The following RBFOX1 variants were observed in gnomAD, a reference collection of about 807,000 sequenced individuals.
The protein encoded by RBFOX1 is RNA binding protein fox-1 homolog 1.
A neutral mutation model predicts 57.7 loss-of-function variants in RBFOX1; 8 were observed. The ratio of observed to expected loss-of-function variants is 0.14; its 90% CI spans 0.08 to 0.25. The LOEUF (loss-of-function observed/expected upper bound fraction) is 0.25, where lower values mean the gene tolerates loss of function less well. Ranked by LOEUF, RBFOX1 falls within the 10% of genes least tolerant of loss-of-function variation. The probability of loss-of-function intolerance (pLI) is 1.00; values close to 1 mark genes in which losing one functional copy is unlikely to be tolerated. For synonymous variants in RBFOX1, 326 were observed against 222.4 expected, an observed-to-expected ratio of 1.47 and a Z score of -4.15; for missense variants, 611 against 548.5, an observed-to-expected ratio of 1.11 and a Z score of -1.14.
intron 1 of RBFOX1, among the ~76,000 whole-genome samples, chr16:6,257,525 T>G (rs973434152): frequency 6.6e-6 from 1 of 152,140 alleles, no homozygotes; most frequent in Non-Finnish European, 1.5e-5. Flanking sequence ...GTTGCCCAGG[T>G]TTAAACTTAC....
intron 2 of RBFOX1, among the ~76,000 whole-genome samples, chr16:6,367,299 C>G (rs1015245885): frequency 6.6e-6 from 1 of 151,240 alleles, no homozygotes; most frequent in Non-Finnish European, 1.5e-5. Flanking sequence ...AAGGTGTAGT[C>G]TCACACCGTT....
chr16:5,845,075 T>G (rs2056720873), intron 3 of RBFOX1, among the ~76,000 whole-genome samples: 1 of 151,916 alleles, frequency 6.6e-6, no homozygotes, highest in Non-Finnish European at 1.5e-5. Context: ...TTTTTTTTTT[T>G]TTTTCTGTAA....
In RBFOX1 at chr16:5,818,333, T is replaced by C. The variant is rs1167430013; in HGVS notation, c.319-48970T>C. Among the ~76,000 whole-genome samples the C allele has an allele frequency of 2.0e-5, 3 of 152,308 alleles. No homozygotes were observed. The South Asian group carries it at 6.2e-4, about 32-fold the overall frequency. ...CTGAGTTTCATTGCACATCATGCCT[T>C]GCAAGGGCTTGTATATCATGGGGTT... On this transcript the variant is annotated intron_variant, in intron 3 of 19. Coordinates refer to the RBFOX1 transcript ENST00000641259.
At chr16:7,396,474 T>A (rs547364787) in intron 4 of RBFOX1, among the ~76,000 whole-genome samples, 2 of 152,296 alleles carry the variant, frequency 1.3e-5, no homozygotes, top group South Asian at 4.1e-4. Context: ...TTTCTGCGCT[T>A]CCCTACACGT....
intron 3 of RBFOX1, among the ~76,000 whole-genome samples, chr16:6,877,536 T>G (rs912671206): frequency 1.3e-5 from 2 of 152,176 alleles, no homozygotes; most frequent in Non-Finnish European, 2.9e-5. Flanking sequence ...TCTCAGTGCT[T>G]GGAATTCGGA....
At chr16:5,525,819 A>G (rs2044223243) in intron 2 of RBFOX1, among the ~76,000 whole-genome samples, 2 of 152,164 alleles carry the variant, frequency 1.3e-5, no homozygotes, top group African/African-American at 4.8e-5. Flanking sequence ...GTCTTAACAC[A>G]ACAGTTCCCT....
At chr16:7,299,313 T>A (rs914302353) in intron 4 of RBFOX1, among the ~76,000 whole-genome samples, 2 of 152,252 alleles carry the variant, frequency 1.3e-5, no homozygotes, top group African/African-American at 4.8e-5. Flanking sequence ...AATGTAACTT[T>A]GAAAAGCTCA....
chr16:6,854,988 T>C (rs72768847), intron 3 of RBFOX1, among the ~76,000 whole-genome samples: 35,283 of 151,566 alleles, frequency 0.23, 4,677 homozygotes, highest in Admixed American at 0.36. Flanking sequence ...GACTAATCTT[T>C]GGTGGCAAAG....
At chr16:5,582,202 C>G (rs1225143098) in intron 2 of RBFOX1, among the ~76,000 whole-genome samples, 2 of 152,182 alleles carry the variant, frequency 1.3e-5, no homozygotes, top group African/African-American at 2.4e-5. Flanking sequence ...GGTTGCACCA[C>G]AGGAAGTGAG....
chr16:7,158,755 G>C (rs751590126), intron 4 of RBFOX1, among the ~76,000 whole-genome samples: 1 of 151,948 alleles, frequency 6.6e-6, no homozygotes, highest in Non-Finnish European at 1.5e-5. Context: ...TGGGTGGTGT[G>C]TGCATGTCTG....
At chr16:6,013,928 C>G (rs1413271157) in intron 4 of RBFOX1, among the ~76,000 whole-genome samples, 1 of 135,680 alleles carries the variant, frequency 7.4e-6, no homozygotes, top group African/African-American at 2.9e-5. Flanking sequence ...CACTTGGACA[C>G]AGCAAGGGGA....
chr16:7,034,322 G>A (rs1337474420), intron 3 of RBFOX1, among the ~76,000 whole-genome samples: 1 of 152,172 alleles, frequency 6.6e-6, no homozygotes, highest in East Asian at 1.9e-4. Flanking sequence ...TAGGATGAAG[G>A]CAGAAAGCTA....
intron 2 of RBFOX1, among the ~76,000 whole-genome samples, chr16:5,539,000 G>A (rs1038818062): frequency 1.3e-5 from 2 of 152,160 alleles, no homozygotes; most frequent in South Asian, 4.1e-4. Context: ...CCACACACAA[G>A]GATGGCTTTA....
chr16:5,611,015 C>T lies in RBFOX1; in HGVS notation c.318+12054C>T, dbSNP rs139455067. Reference sequence around the variant, plus strand: ...CTTACAGAGCATCCTACGATGTGGCCTCTGTGTCTCTCTACAGCCTAGTCT... The same window carrying T: ...CTTACAGAGCATCCTACGATGTGGCTTCTGTGTCTCTCTACAGCCTAGTCT... On this transcript the variant is annotated intron_variant, in intron 3 of 19. Transcript: ENST00000641259. Among the ~76,000 whole-genome samples, 62 of 152,340 alleles carry T rather than the reference C, an allele frequency of 4.1e-4. 1 individual carries two copies. In the East Asian group the frequency reaches 8.9e-3, roughly 22 times the overall value.
chr16:6,382,718 G>T (rs564125203), intron 2 of RBFOX1, among the ~76,000 whole-genome samples: 2 of 152,276 alleles, frequency 1.3e-5, no homozygotes, highest in East Asian at 1.9e-4. Context: ...AAATCAGCCA[G>T]ATGTGGTGGC....
chr16:5,240,077 G>A, exon 1 of RBFOX1: 2 of 1,531,618 alleles, frequency 1.3e-6, no homozygotes, highest in Non-Finnish European at 1.7e-6. Context: ...GAGGAGACCG[G>A]CACCCAGACA....
chr16:7,034,827 C>CTTTTTT (rs113413414), intron 3 of RBFOX1, among the ~76,000 whole-genome samples: 1 of 54,114 alleles, frequency 1.8e-5, no homozygotes, highest in Non-Finnish European at 3.1e-5. Flanking sequence ...TATTGCATTA[C>CTTTTTT]TTTTTTTTTT....
At chr16:6,749,278 C>G (rs141119556) in intron 3 of RBFOX1, among the ~76,000 whole-genome samples, 8 of 152,240 alleles carry the variant, frequency 5.3e-5, no homozygotes, top group African/African-American at 1.9e-4. Flanking sequence ...TACAGAAAGT[C>G]AGTAATGACA....
chr16:6,854,038 G>A (rs1243914891), intron 3 of RBFOX1, among the ~76,000 whole-genome samples: 1 of 152,132 alleles, frequency 6.6e-6, no homozygotes, highest in Non-Finnish European at 1.5e-5. Context: ...ACAGACCTCA[G>A]GCAGTTAAGT....
Sources: allele counts gnomAD v4.1 joint callset (sites outside exome capture counted in the v4.1 genomes callset), GRCh38; gene constraint gnomAD v4.1.1; transcripts MANE v1.5; gene names NCBI Gene and HGNC (gene_info 2026-07-23, HGNC 2026-07-21).